CRIM1: variants seen among roughly 807,000 people sequenced by gnomAD.
CRIM1 encodes the protein cysteine-rich motor neuron 1 protein.
In CRIM1, 32 loss-of-function variants were observed where a neutral mutation model predicts 116.4. The ratio of observed to expected loss-of-function variants is 0.27; its 90% CI spans 0.21 to 0.37. The LOEUF is 0.37. CRIM1 is among the 10% of genes least tolerant of loss of function. The probability of loss-of-function intolerance (pLI) is 1.00; values close to 1 mark genes in which losing one functional copy is unlikely to be tolerated. For synonymous variants in CRIM1, 590 were observed against 509.2 expected (o/e 1.16, Z -2.13); for missense variants, 1,331 against 1,354.8 (o/e 0.98, Z 0.28).
intron 1 of CRIM1, among the ~76,000 whole-genome samples, chr2:36,385,297 A>T (rs1326379428): frequency 1.3e-5 from 2 of 152,224 alleles, no homozygotes; most frequent in African/African-American, 4.8e-5. Context: ...GTTGATTTGT[A>T]AAAGCATTCC....
chr2:36,411,762 T>C (rs1374172399), intron 2 of CRIM1, among the ~76,000 whole-genome samples: 1 of 152,150 alleles, frequency 6.6e-6, no homozygotes, highest in African/African-American at 2.4e-5. Context: ...TTCCTGAGAA[T>C]TTTGGTCTTC....
At chr2:36,374,359 A>G (rs757032453) in intron 1 of CRIM1, among the ~76,000 whole-genome samples, 4 of 152,190 alleles carry the variant, frequency 2.6e-5, no homozygotes, top group African/African-American at 4.8e-5. Context: ...AAAGAATGCT[A>G]CTGTAAAGGG....
rs1558368415 is a variant in CRIM1, at chr2:36,495,483, T to TTA, written c.1373-3735_1373-3734insAT. Reference sequence around the variant, plus strand: ...TCTTTATTTATTTATTTATTTTTTTTTTTTTTTTTTTTTGGATGAGAAACA... The same window carrying TTA: ...TCTTTATTTATTTATTTATTTTTTTTTATTTTTTTTTTTTTGGATGAGAAACA... On this transcript the variant is annotated intron_variant, in intron 7 of 16. Coordinates refer to ENST00000280527, the MANE Select transcript of CRIM1 (RefSeq NM_016441.3). Among the ~76,000 whole-genome samples, 118 of 133,852 alleles carry TTA rather than the reference T, an allele frequency of 8.8e-4. 1 individual carries two copies. The East Asian group carries it at 0.015, about 17-fold the overall frequency. The allele number at this position is 133,852 out of a possible 152,430, so 87.8% of individuals were successfully genotyped here.
At chr2:36,406,442 C>A (rs1349845767) in intron 2 of CRIM1, among the ~76,000 whole-genome samples, 1 of 152,110 alleles carries the variant, frequency 6.6e-6, no homozygotes, top group Non-Finnish European at 1.5e-5. Context: ...CAGCTGGGAC[C>A]TTGATGATAA....
rs1210070299 is a variant in CRIM1, at chr2:36,356,986, G to C, written c.331+363G>C. Among the ~76,000 whole-genome samples the C allele has an allele frequency of 4.6e-5, 7 of 152,176 alleles. No homozygotes were observed. The highest frequency in any genetic ancestry group is 4.6e-4 in the Admixed American group (7 of 15,284). The stretch of plus-strand genomic sequence containing the variant: ...GGGGGCACTGCAGATTCTGCCGCGC[G>C]CGAGCCCCTCGGGGAGCCCGGCCCT... On this transcript the variant is annotated intron_variant, in intron 1 of 16. Transcript: ENST00000280527. This position sits in a 1 kb window ranked among gnomAD's most constrained non-coding sequence, Gnocchi z 4.3.
chr2:36,542,907 C>T (rs534111749), intron 14 of CRIM1, among the ~76,000 whole-genome samples: 8 of 152,198 alleles, frequency 5.3e-5, no homozygotes, highest in Non-Finnish European at 1.2e-4. Flanking sequence ...AGCACATTTT[C>T]TAAGCTCTTT....
At chr2:36,415,134 T>C (rs1673508770) in intron 2 of CRIM1, among the ~76,000 whole-genome samples, 1 of 151,794 alleles carries the variant, frequency 6.6e-6, no homozygotes, top group South Asian at 2.1e-4. Context: ...CTCAATTAGG[T>C]TGGATTTGGG....
chr2:36,497,949 G>A (rs1170721183), intron 7 of CRIM1, among the ~76,000 whole-genome samples: 1 of 152,118 alleles, frequency 6.6e-6, no homozygotes, highest in African/African-American at 2.4e-5. Context: ...CAGGAGGTTG[G>A]GAACCTCTGT....
chr2:36,512,369 C>A lies in CRIM1; in HGVS notation c.1755C>A (p.His585Gln), dbSNP rs754851164. 1.4e-5 allele frequency: 22 copies of A among 1,613,372 alleles called. No homozygotes were observed. The highest frequency in any genetic ancestry group is 1.8e-5 in the Non-Finnish European group (21 of 1,179,410). The change falls in exon 10 of 17, where the codon CAC becomes CAA. Residue 585 changes from histidine (H) to glutamine (Q), a missense_variant. This residue lies in a region of CRIM1 where 358 missense variants were observed against 436.1 expected (regional missense o/e 0.82). Coordinates refer to ENST00000280527, the MANE Select transcript of CRIM1 (RefSeq NM_016441.3). ...ICPLGFQQDS[H>Q]GCLICKCREA... ...CCTTGGGTTTCCAGCAGGACAGTCA[C>A]GGCTGTCTTATCTGCAAGTGCAGAG...
At chr2:36,541,582 C>G (rs891959054) in intron 14 of CRIM1, among the ~76,000 whole-genome samples, 8 of 152,290 alleles carry the variant, frequency 5.3e-5, no homozygotes, top group African/African-American at 1.7e-4. Flanking sequence ...GCACCTCGCC[C>G]CGTATTCCAG....
intron 4 of CRIM1, among the ~76,000 whole-genome samples, chr2:36,459,564 T>C (rs1388867211): frequency 6.6e-6 from 1 of 152,194 alleles, no homozygotes; most frequent in Non-Finnish European, 1.5e-5. Context: ...GATGGGCCGA[T>C]GCACTTCAAG....
chr2:36,491,758 C>T (rs569858608), intron 7 of CRIM1, among the ~76,000 whole-genome samples: 19 of 152,246 alleles, frequency 1.2e-4, no homozygotes, highest in African/African-American at 3.4e-4. Flanking sequence ...AAAGTCTGAC[C>T]GCCTGACCCA....
intron 4 of CRIM1, among the ~76,000 whole-genome samples, chr2:36,458,503 C>T (rs1258872688): frequency 6.6e-6 from 1 of 152,120 alleles, no homozygotes; most frequent in Non-Finnish European, 1.5e-5. Context: ...GGTAGGGAGA[C>T]AACAGCATCT....
Position 36,384,929 on chromosome 2 carries a change from C to T in CRIM1, c.332-11685C>T, listed in dbSNP as rs114673032. On this transcript the variant is annotated intron_variant, in intron 1 of 16. Coordinates refer to ENST00000280527, the MANE Select transcript of CRIM1 (RefSeq NM_016441.3). ...GGTTTTGACATACATGCCAGACTTCCACTTAAGATGAAACTGGGCAACTAG... is the reference window on the plus strand; with the variant it reads ...GGTTTTGACATACATGCCAGACTTCTACTTAAGATGAAACTGGGCAACTAG... Among the ~76,000 whole-genome samples, 919 of 152,216 alleles carry T rather than the reference C, an allele frequency of 6.0e-3. 12 individuals carry two copies. The highest frequency in any genetic ancestry group is 0.021 in the African/African-American group (880 of 41,522).
intron 11 of CRIM1, among the ~76,000 whole-genome samples, chr2:36,515,478 T>C (rs1370736931): frequency 6.6e-6 from 1 of 151,996 alleles, no homozygotes; most frequent in Admixed American, 6.5e-5. Context: ...TAAGCCTCCT[T>C]CTGATTAGAG....
intron 12 of CRIM1, among the ~76,000 whole-genome samples, chr2:36,518,022 G>A (rs1665143916): frequency 1.3e-5 from 2 of 152,222 alleles, no homozygotes. Flanking sequence ...CCCCCTCCAA[G>A]TTGGGATGAT....
At chr2:36,387,941 A>G (rs1572617843) in intron 1 of CRIM1, among the ~76,000 whole-genome samples, 1 of 146,038 alleles carries the variant, frequency 6.8e-6, no homozygotes, top group African/African-American at 2.5e-5. Context: ...TTCAAGTTGG[A>G]TGCTTAGTTC....
At chr2:36,543,086 A>G (rs1431972997) in intron 14 of CRIM1, among the ~76,000 whole-genome samples, 2 of 152,182 alleles carry the variant, frequency 1.3e-5, no homozygotes, top group Non-Finnish European at 2.9e-5. Context: ...TTTTATGTTT[A>G]AAGGTTTTAT....
intron 14 of CRIM1, among the ~76,000 whole-genome samples, chr2:36,541,701 T>C (rs917880565): frequency 6.6e-6 from 1 of 152,214 alleles, no homozygotes; most frequent in African/African-American, 2.4e-5. Context: ...AGGTCAAGTA[T>C]GAGCACAGGA....
Sources: allele counts gnomAD v4.1 joint callset (sites outside exome capture counted in the v4.1 genomes callset), GRCh38; gene constraint gnomAD v4.1.1; regional missense constraint gnomAD v4.1.1; non-coding constraint Gnocchi (gnomAD v3.1); transcripts MANE v1.5; gene names NCBI Gene and HGNC (gene_info 2026-07-23, HGNC 2026-07-21).